Variants in SYT17 observed in about 807,000 individuals in gnomAD.
The protein encoded by SYT17 is synaptotagmin 17.
A neutral mutation model predicts 46.7 loss-of-function variants in SYT17; 22 were observed. The ratio of observed to expected loss-of-function variants is 0.47; its 90% confidence interval spans 0.34 to 0.67. SYT17 has a LOEUF of 0.67. SYT17 is among the 30% of genes least tolerant of loss of function. The pLI is 0.01. For missense variants in SYT17, 519 were observed against 612.8 expected, an observed-to-expected ratio of 0.85 and a Z score of 1.62; for synonymous variants, 251 against 248.4, an observed-to-expected ratio of 1.01 and a Z score of -0.10.
At chr16:19,209,340 A>C (rs1322120567) in intron 5 of SYT17, among the ~76,000 whole-genome samples, 4 of 152,210 alleles carry the variant, frequency 2.6e-5, no homozygotes, top group Non-Finnish European at 5.9e-5. Context: ...ACAAATACAC[A>C]ATGATCAAAA....
intron 3 of SYT17, among the ~76,000 whole-genome samples, chr16:19,174,396 G>A (rs567575159): frequency 1.8e-4 from 27 of 152,276 alleles, no homozygotes; most frequent in Middle Eastern, 3.4e-3. Context: ...TCATGCTTCG[G>A]AGGGGCAGGC....
chr16:19,198,579 A>G (rs1318689905), intron 5 of SYT17, among the ~76,000 whole-genome samples: 1 of 152,226 alleles, frequency 6.6e-6, no homozygotes, highest in Non-Finnish European at 1.5e-5. Flanking sequence ...AAACTCAGGC[A>G]CAGAAAGTTT....
In SYT17 at chr16:19,168,698, G is replaced by A; in HGVS notation, c.15+37G>A. ...GCTGGGGGCAAGGTCCGGGGTGCGG[G>A]TAGGGGGTGCCGCGCCCCCTCCGGC... On this transcript the variant is annotated intron_variant, in intron 1 of 7. Transcript: ENST00000355377. This position sits in a 1 kb window ranked among gnomAD's most constrained non-coding sequence, Gnocchi z 6.9. The A allele has an allele frequency of 1.4e-6, 2 of 1,459,534 alleles. No homozygotes were observed. Among genetic ancestry groups the A allele is most frequent in the Non-Finnish European group, 9.1e-7 (1 of 1,101,680 alleles). The allele number at this position is 1,459,534 out of a possible 1,614,324, so 90.4% of individuals were successfully genotyped here. A position where few individuals can be genotyped will look rare whatever the true frequency, so the allele number is the denominator to read the frequency against.
chr16:19,172,626 T>C (rs781263454), intron 1 of SYT17, 134 bp from the exon 2 acceptor site: 22 of 1,534,440 alleles, frequency 1.4e-5, no homozygotes, highest in Non-Finnish European at 1.6e-5. Flanking sequence ...TAAGTGGAAA[T>C]ATGCAGGGCT....
chr16:19,216,018 A>G (rs1023318599), intron 5 of SYT17, among the ~76,000 whole-genome samples: 3 of 152,194 alleles, frequency 2.0e-5, no homozygotes, highest in Non-Finnish European at 4.4e-5. Context: ...ACTTGCCTCC[A>G]TGATTCAATT....
intron 2 of SYT17, 110 bp from the exon 3 acceptor site, chr16:19,173,320 C>A: frequency 1.4e-6 from 1 of 696,382 alleles, no homozygotes; most frequent in Non-Finnish European, 2.3e-6. Context: ...TATTTCTCAT[C>A]CGAGATCGGC....
intron 7 of SYT17, among the ~76,000 whole-genome samples, chr16:19,255,516 G>A (rs1456459825): frequency 6.6e-6 from 1 of 152,112 alleles, no homozygotes; most frequent in Admixed American, 6.5e-5. Flanking sequence ...GCCAGGCACG[G>A]TGGCTCACAC....
chr16:19,217,563 A>G (rs533810137), intron 5 of SYT17, among the ~76,000 whole-genome samples: 1 of 152,334 alleles, frequency 6.6e-6, no homozygotes, highest in African/African-American at 2.4e-5. Context: ...ATAACCTACC[A>G]TTGCATAGAT....
chr16:19,211,243 C>A (rs2142799594), intron 5 of SYT17: 3 of 534,104 alleles, frequency 5.6e-6, no homozygotes, highest in Admixed American at 3.2e-5. Context: ...GCCTGTCACC[C>A]AGTTCCTTCT....
chr16:19,253,121 T>G (rs932460065), intron 7 of SYT17, among the ~76,000 whole-genome samples: 1 of 152,226 alleles, frequency 6.6e-6, no homozygotes, highest in South Asian at 2.1e-4. Flanking sequence ...GTAAATAAAG[T>G]TTTATTGGAA....
chr16:19,187,449 C>T (rs1964830657), intron 5 of SYT17, among the ~76,000 whole-genome samples: 1 of 152,078 alleles, frequency 6.6e-6, no homozygotes, highest in African/African-American at 2.4e-5. Context: ...GGTCTTGCAC[C>T]GTTGGAGTGG....
intron 7 of SYT17, among the ~76,000 whole-genome samples, chr16:19,227,700 C>T (rs1405835270): frequency 6.6e-6 from 1 of 152,212 alleles, no homozygotes; most frequent in Non-Finnish European, 1.5e-5. Flanking sequence ...TAGCATTCCA[C>T]ACTTTTTTCC....
At chr16:19,205,331 G>C (rs1441302380) in intron 5 of SYT17, among the ~76,000 whole-genome samples, 3 of 152,076 alleles carry the variant, frequency 2.0e-5, no homozygotes, top group African/African-American at 7.2e-5. Context: ...CCCTACCTCA[G>C]GGCCTTTGCA....
intron 7 of SYT17, among the ~76,000 whole-genome samples, chr16:19,244,262 G>A (rs1264492912): frequency 6.6e-6 from 1 of 152,148 alleles, no homozygotes; most frequent in Non-Finnish European, 1.5e-5. Flanking sequence ...CAGTTAAGGT[G>A]TGGCTAGCTG....
intron 5 of SYT17, among the ~76,000 whole-genome samples, chr16:19,217,066 C>T (rs768506537): frequency 6.6e-6 from 1 of 152,088 alleles, no homozygotes; most frequent in African/African-American, 2.4e-5. Flanking sequence ...TTTTAATGAT[C>T]GCCATTTTAA....
chr16:19,211,350 CCT>C lies in SYT17; in HGVS notation c.952-11692_952-11691del, dbSNP rs536788083. ...GGCCCGTGGTGTGGCAGCAGCTCAG[CCT>C]CTGTGTTGGGGGCTGCACTGCTTGA... On this transcript the variant is annotated intron_variant, in intron 5 of 7. Coordinates refer to ENST00000355377, the MANE Select transcript of SYT17 (RefSeq NM_016524.4). 313 of 697,152 alleles carry C rather than the reference CCT, an allele frequency of 4.5e-4. 1 individual carries two copies. In the African/African-American group the frequency reaches 4.9e-3, roughly 11 times the overall value. The allele number at this position is 697,152 out of a possible 1,614,324, so 43.2% of individuals were successfully genotyped here. A position where few individuals can be genotyped will look rare whatever the true frequency, so the allele number is the denominator to read the frequency against.
At position 19,183,882 on chromosome 16, in the gene SYT17, C is replaced by G; in HGVS notation, c.686C>G (p.Pro229Arg). 1.2e-6 allele frequency: 2 copies of G among 1,614,222 alleles called. No homozygotes were observed. Among genetic ancestry groups the G allele is most frequent in the Non-Finnish European group, 8.5e-7 (1 of 1,180,054 alleles). ...GSRQDMAHSNPYVKICLLPDQ... is the reference protein window; with the variant it reads ...GSRQDMAHSNRYVKICLLPDQ... ...CGCCAGGACATGGCGCACTCCAACCCCTACGTCAAGATCTGTCTCCTGCCA... is the reference window on the plus strand; with the variant it reads ...CGCCAGGACATGGCGCACTCCAACCGCTACGTCAAGATCTGTCTCCTGCCA... The change falls in exon 5 of 8, where the codon CCC becomes CGC. Residue 229 changes from proline to arginine, a missense_variant. Pro to Arg is a moderately radical substitution (Grantham distance 103). Coordinates refer to ENST00000355377, the MANE Select transcript of SYT17 (RefSeq NM_016524.4). This position sits in a 1 kb window ranked among gnomAD's most constrained non-coding sequence, Gnocchi z 5.6.
At chr16:19,248,416 T>G (rs1440244321) in intron 7 of SYT17, among the ~76,000 whole-genome samples, 1 of 152,198 alleles carries the variant, frequency 6.6e-6, no homozygotes, top group Non-Finnish European at 1.5e-5. Context: ...AAAAAAGGCA[T>G]GTATGCAGAT....
chr16:19,230,943 A>T (rs974172577), intron 7 of SYT17, among the ~76,000 whole-genome samples: 1 of 152,230 alleles, frequency 6.6e-6, no homozygotes, highest in South Asian at 2.1e-4. Flanking sequence ...CATCCAATTT[A>T]TGCAGCTAGA....
Sources: gnomAD v4.1 joint callset for allele counts (sites outside exome capture counted in the v4.1 genomes callset) on GRCh38, gnomAD v4.1.1 for gene constraint, Gnocchi (gnomAD v3.1) non-coding constraint, MANE v1.5 for transcripts, NCBI Gene and HGNC (gene_info 2026-07-23, HGNC 2026-07-21) for gene names.